MBIP: variants seen among roughly 807,000 people sequenced by gnomAD.
MBIP encodes MAP3K12 binding inhibitory protein 1.
In MBIP, 32 loss-of-function variants were observed where a neutral mutation model predicts 45.7. The observed-to-expected ratio is 0.70, with a 90% CI of 0.53 to 0.94. MBIP has a LOEUF of 0.94. MBIP is among the 40% of genes least tolerant of loss of function. MBIP has a pLI of 0.00. For missense variants in MBIP, 381 were observed against 405.5 expected, an observed-to-expected ratio of 0.94 and a Z score of 0.52; for synonymous variants, 145 against 141.0, an observed-to-expected ratio of 1.03 and a Z score of -0.20.
intron 6 of MBIP, among the ~76,000 whole-genome samples, chr14:36,310,995 A>G (rs1353436347): frequency 1.3e-5 from 2 of 152,214 alleles, no homozygotes; most frequent in Non-Finnish European, 2.9e-5. Flanking sequence ...AAACCAGTAA[A>G]TATCCTTCCA....
At chr14:36,303,278 A>G (rs1010634466) in intron 7 of MBIP, among the ~76,000 whole-genome samples, 2 of 152,200 alleles carry the variant, frequency 1.3e-5, no homozygotes, top group Admixed American at 6.5e-5. Context: ...ACAGCACACT[A>G]AAGAAAGAGC....
chr14:36,309,507 C>T (rs1880077677), intron 6 of MBIP, among the ~76,000 whole-genome samples: 1 of 152,114 alleles, frequency 6.6e-6, no homozygotes, highest in African/African-American at 2.4e-5. Context: ...CATGATTAGC[C>T]AATCATTATG....
intron 7 of MBIP, among the ~76,000 whole-genome samples, chr14:36,302,469 G>A (rs1275235850): frequency 1.4e-5 from 2 of 140,594 alleles, no homozygotes; most frequent in East Asian, 4.2e-4. Context: ...TCCAGCCTGG[G>A]CGACAGAGCA....
intron 7 of MBIP, among the ~76,000 whole-genome samples, chr14:36,307,011 A>G (rs1198631304): frequency 6.6e-6 from 1 of 152,228 alleles, no homozygotes; most frequent in South Asian, 2.1e-4. Context: ...TGAGGTTTTT[A>G]CCATGTGCTA....
In MBIP at chr14:36,312,337, C is replaced by A. The variant is rs919879286; in HGVS notation, c.572-313G>T. On this transcript the variant is annotated intron_variant, in intron 4 of 8. Transcript: ENST00000416007. ...TATTTGGGCCACTGGAGAAAATAATCTACCATAGAGTATTTAAATTCTACT... is the reference window on the plus strand; with the variant it reads ...TATTTGGGCCACTGGAGAAAATAATATACCATAGAGTATTTAAATTCTACT... Among the ~76,000 whole-genome samples, 5 of 152,108 alleles carry A rather than the reference C, an allele frequency of 3.3e-5. No homozygotes were observed. The South Asian group carries it at 1.0e-3, about 32-fold the overall frequency.
chr14:36,311,721 A>C lies in MBIP; in HGVS notation c.642T>G (p.Ser214=). ...YPGFKSHVKV[S]RVVNTYGPQT... is the part of the protein sequence containing the mutation. ...GTGGTCCGTATGTATTCACAACTCT[A>C]GAAACTAAATTAAGAAACTTTTGAG... Residue 214 remains serine, a synonymous_variant, in exon 6 of 9, where the codon TCT becomes TCG. Transcript: ENST00000416007. 6.3e-7 allele frequency: 1 copy of C among 1,590,826 alleles called. No homozygotes were observed. Among genetic ancestry groups the C allele is most frequent in the Non-Finnish European group, 8.5e-7 (1 of 1,170,956 alleles).
At chr14:36,315,753 T>C (rs1461409336) in intron 2 of MBIP, among the ~76,000 whole-genome samples, 2 of 152,092 alleles carry the variant, frequency 1.3e-5, no homozygotes, top group Admixed American at 1.3e-4. Context: ...CATGAAACAG[T>C]TAAAATTTCC....
chr14:36,315,374 C>A (rs1880505944), intron 2 of MBIP, among the ~76,000 whole-genome samples: 1 of 152,080 alleles, frequency 6.6e-6, no homozygotes, highest in Non-Finnish European at 1.5e-5. Context: ...CAAAGCCCTG[C>A]ATTATCACTG....
At chr14:36,299,796 C>CTTCAATAAAAGAAAT (rs1879426228) in intron 8 of MBIP, among the ~76,000 whole-genome samples, 1 of 152,088 alleles carries the variant, frequency 6.6e-6, no homozygotes, top group Non-Finnish European at 1.5e-5. Context: ...GAAAATACTT[C>CTTCAATAAAAGAAAT]TTTTACCTTC....
Position 36,320,465 on chromosome 14 carries a change from CA to C in MBIP, c.123del (p.Gly42AspfsTer10), listed in dbSNP as rs1304103638. On this transcript the variant is annotated frameshift_variant, in exon 1 of 9. Transcript: ENST00000416007. LOFTEE classifies it high-confidence loss of function. ...YEIFRSLHTL[V>X]GQLDLRDDVV... is the part of the protein sequence containing the mutation. Reference sequence around the variant, plus strand: ...TCCCTCAGGCCACCTCTCACCTGTCCAACCAGGGTGTGTAGGGAGCGAAAGA... The same window carrying C: ...TCCCTCAGGCCACCTCTCACCTGTCCACCAGGGTGTGTAGGGAGCGAAAGA... 2.5e-6 allele frequency: 4 copies of C among 1,614,032 alleles called. No individual in the cohort carries two copies. Among genetic ancestry groups the C allele is most frequent in the Non-Finnish European group, 3.4e-6 (4 of 1,180,044 alleles).
rs1267148197 is a variant in MBIP, at chr14:36,320,603, C to A, written c.-15G>T. On this transcript the variant is annotated 5_prime_UTR_variant, in exon 1 of 9. Coordinates refer to ENST00000416007, the MANE Select transcript of MBIP (RefSeq NM_016586.3). ...GCAGCAGCCATGATATCTTCTCAGG[C>A]CGCCCCACCACCACCACCACCAAGA... 2 of 1,591,086 alleles carry A rather than the reference C, an allele frequency of 1.3e-6. No homozygotes were observed. The highest frequency in any genetic ancestry group is 3.4e-5 in the Admixed American group (2 of 58,316).
Position 36,314,786 on chromosome 14 carries a change from C to T in MBIP, c.379G>A (p.Glu127Lys). 1 of 1,613,558 alleles carries T rather than the reference C, an allele frequency of 6.2e-7. No homozygotes were observed. The highest frequency in any genetic ancestry group is 8.5e-7 in the Non-Finnish European group (1 of 1,179,712). ...AAATCACTTTCTTTGTGCTTTTCTTCCTCTTGTAGGTCGCCAATGGAAAAT... is the reference window on the plus strand; with the variant it reads ...AAATCACTTTCTTTGTGCTTTTCTTTCTCTTGTAGGTCGCCAATGGAAAAT... ...DKFSIGDLQE[E>K]EKHKESDLRD... is the part of the protein sequence containing the mutation. Residue 127 changes from glutamate (E) to lysine (K), a missense_variant, in exon 3 of 9, where the codon GAA (glutamate) becomes AAA (lysine). Transcript: ENST00000416007.
At chr14:36,312,160 C>G (rs997490673) in intron 4 of MBIP, 136 bp from the exon 5 acceptor site, 7 of 473,870 alleles carry the variant, frequency 1.5e-5, no homozygotes, top group African/African-American at 1.2e-4. Flanking sequence ...CAATAAATTA[C>G]TATCACACAT....
At position 36,298,983 on chromosome 14, in the gene MBIP, A is replaced by T; in HGVS notation, c.*100T>A. 1.3e-6 allele frequency: 1 copy of T among 771,112 alleles called. No individual in the cohort carries two copies. The highest frequency in any genetic ancestry group is 2.1e-6 in the Non-Finnish European group (1 of 470,520). 47.8% of individuals were successfully genotyped at this position (771,112 alleles called of 1,614,324 possible). On this transcript the variant is annotated 3_prime_UTR_variant, in exon 9 of 9. Coordinates refer to ENST00000416007, the MANE Select transcript of MBIP (RefSeq NM_016586.3). Reference sequence around the variant, plus strand: ...GTGAAAATAAACCTTGACTTCACAGAGAAGTCTACATTGATAAATATATAT... The same window carrying T: ...GTGAAAATAAACCTTGACTTCACAGTGAAGTCTACATTGATAAATATATAT...
chr14:36,303,497 T>G (rs1879694560), intron 7 of MBIP, among the ~76,000 whole-genome samples: 1 of 152,238 alleles, frequency 6.6e-6, no homozygotes, highest in Non-Finnish European at 1.5e-5. Context: ...ATATAAACCT[T>G]ATGGCATGTT....
chr14:36,311,580 T>C lies in MBIP; in HGVS notation c.783A>G (p.Leu261=). Reference sequence around the variant, plus strand: ...ACTTAGCACTTTGCTTACCTGTCTGTAACCGCAAGTGGGCCTCAATATTTT... The same window carrying C: ...ACTTAGCACTTTGCTTACCTGTCTGCAACCGCAAGTGGGCCTCAATATTTT... ...RLQNIEAHLR[L]QTGGPVPRDI... is the part of the protein sequence containing the mutation. Residue 261 remains leucine (L), a synonymous_variant, in exon 6 of 9, where the codon TTA becomes TTG. Coordinates refer to ENST00000416007, the MANE Select transcript of MBIP (RefSeq NM_016586.3). 6.2e-7 allele frequency: 1 copy of C among 1,610,660 alleles called. No individual in the cohort carries two copies. Among genetic ancestry groups the C allele is most frequent in the South Asian group, 1.1e-5 (1 of 90,418 alleles).
chr14:36,311,574 T>C lies in MBIP; in HGVS notation c.789A>G (p.Thr263=). The C allele has an allele frequency of 6.2e-7, 1 of 1,608,046 alleles. No individual in the cohort carries two copies. The highest frequency in any genetic ancestry group is 8.5e-7 in the Non-Finnish European group (1 of 1,177,132). The change falls in exon 6 of 9, where the codon ACA becomes ACG. Residue 263 remains threonine (T), a splice_region_variant and synonymous_variant. Transcript: ENST00000416007. Reference sequence around the variant, plus strand: ...GGTGCCACTTAGCACTTTGCTTACCTGTCTGTAACCGCAAGTGGGCCTCAA... The same window carrying C: ...GGTGCCACTTAGCACTTTGCTTACCCGTCTGTAACCGCAAGTGGGCCTCAA... The part of the protein sequence containing the change: ...QNIEAHLRLQ[T]GGPVPRDIYQ...
At chr14:36,313,607 A>G (rs1053256446) in intron 4 of MBIP, 4 of 152,086 alleles carry the variant, frequency 2.6e-5, no homozygotes, top group Non-Finnish European at 5.9e-5. Context: ...AAAATATACC[A>G]AATTTAGAGA....
chr14:36,304,095 C>T (rs1363044644), intron 7 of MBIP, among the ~76,000 whole-genome samples: 1 of 152,128 alleles, frequency 6.6e-6, no homozygotes, highest in Non-Finnish European at 1.5e-5. Context: ...CTAGCTGAAT[C>T]CAGTTGTTCA....
Sources: allele counts gnomAD v4.1 joint callset (sites outside exome capture counted in the v4.1 genomes callset), GRCh38; gene constraint gnomAD v4.1.1; transcripts MANE v1.5; gene names NCBI Gene and HGNC (gene_info 2026-07-23, HGNC 2026-07-21).